OR2L13: variants seen among roughly 807,000 people sequenced by gnomAD.
OR2L13 encodes olfactory receptor 2L13.
In OR2L13, 14 loss-of-function variants were observed where a neutral mutation model predicts 15.3. The observed-to-expected ratio is 0.91, with a 90% CI of 0.60 to 1.43. The LOEUF is 1.43. Ranked by LOEUF, OR2L13 falls within the 40% of genes most tolerant of loss-of-function variation. OR2L13 has a pLI of 0.00. For synonymous variants in OR2L13, 152 were observed against 142.9 expected (o/e 1.06, Z -0.45); for missense variants, 367 against 387.9 (o/e 0.95, Z 0.45).
At chr1:248,025,502 G>C in the OR2L13 span, among the ~76,000 whole-genome samples, 8 of 149,454 alleles carry the variant, frequency 5.4e-5, no homozygotes, top group Non-Finnish European at 1.2e-4. Flanking sequence ...CTGTTGGTGG[G>C]ACTGTAAACT....
the OR2L13 span, among the ~76,000 whole-genome samples, chr1:248,043,773 C>T: frequency 6.6e-6 from 1 of 151,836 alleles, no homozygotes; most frequent in Admixed American, 6.6e-5. Flanking sequence ...AGGGCGTTCC[C>T]GAAAGTAAGA....
At chr1:247,958,594 T>A in the OR2L13 span, among the ~76,000 whole-genome samples, 70 of 152,170 alleles carry the variant, frequency 4.6e-4, no homozygotes, top group Non-Finnish European at 6.9e-4. Context: ...TTTGTAGGTC[T>A]CTACGGACTT....
chr1:248,011,777 C>A, the OR2L13 span, among the ~76,000 whole-genome samples: 18 of 152,260 alleles, frequency 1.2e-4, no homozygotes, highest in African/African-American at 4.3e-4. Context: ...GCATTTTGGT[C>A]TGTTACCACT....
At chr1:248,039,315 C>G in the OR2L13 span, 3 of 877,694 alleles carry the variant, frequency 3.4e-6, no homozygotes, top group Non-Finnish European at 4.9e-6. Context: ...AGAAGTTAAT[C>G]TAGAAGAAAT....
chr1:248,013,149 CAT>C, the OR2L13 span, among the ~76,000 whole-genome samples: 10,560 of 151,976 alleles, frequency 0.069, 417 homozygotes, highest in East Asian at 0.16. Context: ...CTTCTACTTA[CAT>C]GTTTTAATTA....
At chr1:247,991,003 G>T in the OR2L13 span, 1 of 1,517,410 alleles carries the variant, frequency 6.6e-7, no homozygotes, top group Admixed American at 1.7e-5. Context: ...CCACCTCACT[G>T]TAGTGACTTT....
At chr1:247,951,995 G>A in the OR2L13 span, among the ~76,000 whole-genome samples, 7 of 151,958 alleles carry the variant, frequency 4.6e-5, no homozygotes, top group African/African-American at 9.7e-5. Context: ...GTGTGTGTGC[G>A]CGCGTGCGCG....
the OR2L13 span, among the ~76,000 whole-genome samples, chr1:248,069,433 T>C: frequency 2.0e-5 from 3 of 152,176 alleles, no homozygotes; most frequent in East Asian, 3.8e-4. Context: ...CTGAGAGATT[T>C]TGTCACCACC....
chr1:248,020,352 A>G, the OR2L13 span, among the ~76,000 whole-genome samples: 1 of 152,158 alleles, frequency 6.6e-6, no homozygotes, highest in Admixed American at 6.5e-5. Context: ...GAAAACTCCT[A>G]GAACTAAAAA....
At chr1:248,085,469 CAAA>C in the OR2L13 span, among the ~76,000 whole-genome samples, 1,289 of 67,886 alleles carry the variant, frequency 0.019, 51 homozygotes, top group African/African-American at 0.048. Context: ...AGAGAAGCAC[CAAA>C]AAAAAAAAAA....
the OR2L13 span, among the ~76,000 whole-genome samples, chr1:248,020,442 G>T: frequency 2.0e-5 from 3 of 152,244 alleles, no homozygotes; most frequent in Admixed American, 6.5e-5. Context: ...GCCAAGCAGA[G>T]ATTCTAAGCA....
the OR2L13 span, among the ~76,000 whole-genome samples, chr1:247,983,405 A>G: frequency 4.6e-5 from 7 of 152,090 alleles, no homozygotes; most frequent in Admixed American, 4.6e-4. Flanking sequence ...CTTTTTCTCC[A>G]GTGTACAACA....
the OR2L13 span, among the ~76,000 whole-genome samples, chr1:248,069,771 C>T: frequency 0.13 from 19,842 of 151,662 alleles, 2,264 homozygotes; most frequent in African/African-American, 0.31. Context: ...AATAAAAGGG[C>T]GGAGGAAGAT....
At chr1:248,022,874 G>T in the OR2L13 span, 13 of 1,606,216 alleles carry the variant, frequency 8.1e-6, no homozygotes, top group South Asian at 1.1e-5. Context: ...ATATCTTCTC[G>T]GTGAAAATGT....
At chr1:247,957,511 A>T in the OR2L13 span, among the ~76,000 whole-genome samples, 5 of 152,210 alleles carry the variant, frequency 3.3e-5, no homozygotes, top group African/African-American at 9.7e-5. Context: ...TAGTTTCAGA[A>T]AGAATGGTAC....
the OR2L13 span, among the ~76,000 whole-genome samples, chr1:247,985,692 T>C: frequency 6.6e-6 from 1 of 152,016 alleles, no homozygotes; most frequent in Non-Finnish European, 1.5e-5. Context: ...CACACTGACT[T>C]CCACAATGGT....
chr1:247,951,400 A>G, the OR2L13 span, among the ~76,000 whole-genome samples: 120,751 of 151,900 alleles, frequency 0.79, 52,360 homozygotes, highest in South Asian at 0.95. Flanking sequence ...TCCAATCCAC[A>G]AGCATTGGAT....
chr1:248,099,735 C>T (rs761254241), exon 3 of OR2L13: 3 of 1,614,090 alleles, frequency 1.9e-6, no homozygotes, highest in Non-Finnish European at 2.5e-6. Context: ...TGGCCTACGA[C>T]CGTTATTTGG....
At chr1:248,022,673 C>A in the OR2L13 span, 1 of 1,614,088 alleles carries the variant, frequency 6.2e-7, no homozygotes, top group Non-Finnish European at 8.5e-7. Flanking sequence ...CCTGCAGCAC[C>A]CACCTCACTG....
Sources: allele counts gnomAD v4.1 joint callset (sites outside exome capture counted in the v4.1 genomes callset), GRCh38; gene constraint gnomAD v4.1.1; transcripts MANE v1.5; gene names NCBI Gene and HGNC (gene_info 2026-07-23, HGNC 2026-07-21).